The following BMPR1A variants were observed in gnomAD, a reference collection of about 807,000 sequenced individuals.
BMPR1A encodes the protein bone morphogenetic protein receptor type 1A.
Under a neutral mutation model 66.0 loss-of-function variants are expected in BMPR1A, and 7 were observed. The ratio of observed to expected loss-of-function variants is 0.11; its 90% CI spans 0.06 to 0.20. The LOEUF (loss-of-function observed/expected upper bound fraction) is 0.20, where lower values mean the gene tolerates loss of function less well. Among genes scored for constraint, BMPR1A ranks in the 10% least tolerant of loss-of-function variants. BMPR1A has a pLI of 1.00. For missense variants in BMPR1A, 408 were observed against 669.1 expected (o/e 0.61, Z 4.31); for synonymous variants, 200 against 229.7 (o/e 0.87, Z 1.17).
intron 1 of BMPR1A, among the ~76,000 whole-genome samples, chr10:86,760,718 G>C (rs1425355552): frequency 6.6e-6 from 1 of 152,214 alleles, no homozygotes; most frequent in East Asian, 1.9e-4. Context: ...TGGAGAGAAA[G>C]GAAAATGGGT....
At position 86,875,269 on chromosome 10, in the gene BMPR1A, AGGCTGAGGC is replaced by A. The variant is rs550273374; in HGVS notation, c.-152-597_-152-589del. Among the ~76,000 whole-genome samples, 476 of 152,132 alleles carry A rather than the reference AGGCTGAGGC, an allele frequency of 3.1e-3. 2 individuals are homozygous for A. Among genetic ancestry groups the A allele is most frequent in the Non-Finnish European group, 4.6e-3 (314 of 68,008 alleles). On this transcript the variant is annotated intron_variant, in intron 2 of 12. Transcript: ENST00000372037. Reference sequence around the variant, plus strand: ...ACACCTGTAATCCCAGCTACTCAGAAGGCTGAGGCAGGAGAATCACTTGAACCCAGGAGG... The same window carrying A: ...ACACCTGTAATCCCAGCTACTCAGAAAGGAGAATCACTTGAACCCAGGAGG...
chr10:86,888,754 G>C (rs974329979), intron 3 of BMPR1A, among the ~76,000 whole-genome samples: 2 of 151,236 alleles, frequency 1.3e-5, no homozygotes, highest in Non-Finnish European at 2.9e-5. Context: ...TTGAGCCTGG[G>C]AGGTTGAGGC....
intron 1 of BMPR1A, among the ~76,000 whole-genome samples, chr10:86,795,026 T>G (rs1841685582): frequency 6.6e-6 from 1 of 151,930 alleles, no homozygotes; most frequent in African/African-American, 2.4e-5. Context: ...TAATTTTGTA[T>G]TTTTAGTAGA....
At chr10:86,823,941 A>G (rs535533187) in intron 1 of BMPR1A, among the ~76,000 whole-genome samples, 1 of 152,302 alleles carries the variant, frequency 6.6e-6, no homozygotes, top group South Asian at 2.1e-4. Flanking sequence ...CATTTGCAGT[A>G]TCATCTGTTA....
At chr10:86,810,250 G>C (rs1841950800) in intron 1 of BMPR1A, among the ~76,000 whole-genome samples, 1 of 152,112 alleles carries the variant, frequency 6.6e-6, no homozygotes, top group Non-Finnish European at 1.5e-5. Context: ...CAAAGTGCTG[G>C]GATTACAGGC....
intron 1 of BMPR1A, among the ~76,000 whole-genome samples, chr10:86,760,790 T>G (rs1841041071): frequency 6.6e-6 from 1 of 152,162 alleles, no homozygotes; most frequent in South Asian, 2.1e-4. Flanking sequence ...TTTCCCACCT[T>G]TTACTAGTTT....
At chr10:86,799,348 G>A (rs990293155) in intron 1 of BMPR1A, among the ~76,000 whole-genome samples, 4 of 152,216 alleles carry the variant, frequency 2.6e-5, no homozygotes, top group African/African-American at 4.8e-5. Flanking sequence ...TTAGGCTTTC[G>A]TGAAAACTAG....
chr10:86,883,283 G>A (rs1336714874), intron 3 of BMPR1A, among the ~76,000 whole-genome samples: 1 of 152,116 alleles, frequency 6.6e-6, no homozygotes, highest in Non-Finnish European at 1.5e-5. Flanking sequence ...GAGGTCAGGA[G>A]TTCAAGACCA....
chr10:86,870,537 C>T (rs1391089082), intron 2 of BMPR1A, among the ~76,000 whole-genome samples: 1 of 152,182 alleles, frequency 6.6e-6, no homozygotes, highest in African/African-American at 2.4e-5. Flanking sequence ...ATCCTCCCAC[C>T]TCAGCCTCCC....
intron 2 of BMPR1A, among the ~76,000 whole-genome samples, chr10:86,843,080 G>A (rs1037519120): frequency 6.6e-6 from 1 of 152,176 alleles, no homozygotes; most frequent in Non-Finnish European, 1.5e-5. Context: ...ACTGTTTCAA[G>A]CAAGAAATAA....
At chr10:86,914,340 C>T (rs1843532145) in intron 8 of BMPR1A, among the ~76,000 whole-genome samples, 1 of 151,954 alleles carries the variant, frequency 6.6e-6, no homozygotes, top group African/African-American at 2.4e-5. Context: ...TTATTCTGAC[C>T]TTGGGCAGAC....
Position 86,890,085 on chromosome 10 carries a change from C to T in BMPR1A, c.91C>T (p.His31Tyr). The change falls in exon 4 of 13, where the codon CAT becomes TAT. Residue 31 changes from histidine (H) to tyrosine (Y), a missense_variant. By Grantham distance (83) the His-to-Tyr change is moderately conservative. Coordinates refer to ENST00000372037, the MANE Select transcript of BMPR1A (RefSeq NM_004329.3). ...AGGACAGAATCTGGATAGTATGCTTCATGGCACTGGGATGAAATCAGACTC... is the reference window on the plus strand; with the variant it reads ...AGGACAGAATCTGGATAGTATGCTTTATGGCACTGGGATGAAATCAGACTC... ...VQGQNLDSML[H>Y]GTGMKSDSDQ... 6.2e-7 allele frequency: 1 copy of T among 1,613,372 alleles called. No homozygotes were observed. The highest frequency in any genetic ancestry group is 1.1e-5 in the South Asian group (1 of 91,050).
At chr10:86,906,304 A>AGCGT (rs1554889570) in intron 7 of BMPR1A, among the ~76,000 whole-genome samples, 2 of 150,916 alleles carry the variant, frequency 1.3e-5, no homozygotes, top group Non-Finnish European at 3.0e-5. Flanking sequence ...TACATTTAGA[A>AGCGT]GCGTGTGTGT....
chr10:86,874,284 G>T (rs1842890729), intron 2 of BMPR1A, among the ~76,000 whole-genome samples: 1 of 152,164 alleles, frequency 6.6e-6, no homozygotes, highest in Admixed American at 6.5e-5. Flanking sequence ...CTTAATTGGA[G>T]AGATTATGTT....
Position 86,879,241 on chromosome 10 carries a change from A to G in BMPR1A, c.67+3156A>G, listed in dbSNP as rs116294632. Among the ~76,000 whole-genome samples, 405 of 152,310 alleles carry G rather than the reference A, an allele frequency of 2.7e-3. 2 individuals carry two copies. The highest frequency in any genetic ancestry group is 9.3e-3 in the African/African-American group (385 of 41,570). On this transcript the variant is annotated intron_variant, in intron 3 of 12. Coordinates refer to ENST00000372037, the MANE Select transcript of BMPR1A (RefSeq NM_004329.3). The stretch of plus-strand genomic sequence containing the variant: ...CAGATGAGGTAAGCTTGAGTTGACA[A>G]TGCTCAGTTAAAGAAGAGGGAAATC...
chr10:86,831,099 G>A (rs1300140803), intron 1 of BMPR1A, among the ~76,000 whole-genome samples: 1 of 152,060 alleles, frequency 6.6e-6, no homozygotes, highest in Non-Finnish European at 1.5e-5. Context: ...CCACTGCATG[G>A]ATAAGACCAC....
rs755028781 is a variant in BMPR1A at position 86,899,832 on chromosome 10, T to C, written c.372T>C (p.Cys124=). 1.2e-6 allele frequency: 2 copies of C among 1,614,204 alleles called. No homozygotes were observed. The highest frequency in any genetic ancestry group is 1.7e-6 in the Non-Finnish European group (2 of 1,180,016). ...PKAQLRRTIE[C]CRTNLCNQYL... is the part of the protein sequence containing the mutation. ...CCCAGCTACGCCGGACAATAGAATG[T>C]TGTCGGACCAATTTATGTAACCAGT... Residue 124 remains cysteine, a synonymous_variant, in exon 6 of 13, where the codon TGT becomes TGC. Coordinates refer to ENST00000372037, the MANE Select transcript of BMPR1A (RefSeq NM_004329.3).
chr10:86,842,155 T>A (rs1842432835), intron 2 of BMPR1A, among the ~76,000 whole-genome samples: 1 of 152,104 alleles, frequency 6.6e-6, no homozygotes, highest in Non-Finnish European at 1.5e-5. Context: ...TGAGGATGGA[T>A]CCCTCAACCT....
chr10:86,878,506 C>G (rs1015732475), intron 3 of BMPR1A, among the ~76,000 whole-genome samples: 3 of 152,142 alleles, frequency 2.0e-5, no homozygotes, highest in African/African-American at 2.4e-5. Context: ...TTTTAAGTAA[C>G]TAATAATGAC....
Sources: gnomAD v4.1 joint callset for allele counts (sites outside exome capture counted in the v4.1 genomes callset) on GRCh38, gnomAD v4.1.1 for gene constraint, MANE v1.5 for transcripts, NCBI Gene and HGNC (gene_info 2026-07-23, HGNC 2026-07-21) for gene names.